RANBP17: variants seen among roughly 807,000 people sequenced by gnomAD.
The protein encoded by RANBP17 is ran-binding protein 17.
RANBP17 carries 158 observed loss-of-function variants against 141.2 expected under a neutral mutation model. The ratio of observed to expected loss-of-function variants is 1.12; its 90% CI spans 0.98 to 1.28. RANBP17 has a LOEUF of 1.28. Among genes scored for constraint, RANBP17 ranks in the 50% most tolerant of loss-of-function variants. RANBP17 has a pLI of 0.00. For synonymous variants in RANBP17, 430 were observed against 450.0 expected, an observed-to-expected ratio of 0.96 and a Z score of 0.56; for missense variants, 1,438 against 1,290.7, an observed-to-expected ratio of 1.11 and a Z score of -1.75.
intron 14 of RANBP17, among the ~76,000 whole-genome samples, chr5:171,003,097 C>G: frequency 6.6e-6 from 1 of 152,218 alleles, no homozygotes; most frequent in East Asian, 1.9e-4. Context: ...CAATGGCGGC[C>G]GCTGCACGGA....
intron 3 of RANBP17, among the ~76,000 whole-genome samples, chr5:170,889,498 A>G (rs1769426995): frequency 6.6e-6 from 1 of 152,166 alleles, no homozygotes; most frequent in African/African-American, 2.4e-5. Context: ...AACCTGATTC[A>G]GAGTCCCAGT....
At chr5:171,021,061 G>A (rs1350383226) in intron 14 of RANBP17, among the ~76,000 whole-genome samples, 2 of 152,118 alleles carry the variant, frequency 1.3e-5, no homozygotes, top group East Asian at 3.9e-4. Context: ...TGAAATTCTG[G>A]GTTGAAAATT....
intron 21 of RANBP17, among the ~76,000 whole-genome samples, chr5:171,216,689 A>G (rs1052066376): frequency 6.6e-6 from 1 of 152,064 alleles, no homozygotes; most frequent in Non-Finnish European, 1.5e-5. Flanking sequence ...ATGGGAGTTC[A>G]CTCATGATTT....
intron 1 of RANBP17, among the ~76,000 whole-genome samples, chr5:170,862,681 G>C (rs1766909842): frequency 6.6e-6 from 1 of 152,136 alleles, no homozygotes; most frequent in South Asian, 2.1e-4. Context: ...CGCGGGCGCG[G>C]ACGCGAGGAT....
chr5:171,143,007 TC>T (rs1757804805), intron 14 of RANBP17, among the ~76,000 whole-genome samples: 1 of 152,248 alleles, frequency 6.6e-6, no homozygotes, highest in South Asian at 2.1e-4. Flanking sequence ...ATTTTTAAAA[TC>T]TATTTTATCC....
intron 22 of RANBP17, among the ~76,000 whole-genome samples, chr5:171,228,021 T>A (rs984869283): frequency 3.3e-5 from 5 of 152,222 alleles, no homozygotes; most frequent in African/African-American, 1.2e-4. Flanking sequence ...ACAAGGAGAT[T>A]AATGTTGTTT....
chr5:171,169,182 T>TA (rs1475168958), intron 14 of RANBP17, among the ~76,000 whole-genome samples: 3 of 152,088 alleles, frequency 2.0e-5, no homozygotes, highest in African/African-American at 7.2e-5. Context: ...TGTTCAGATA[T>TA]AAAAAACAAA....
chr5:170,956,470 A>G (rs1168987925), intron 13 of RANBP17, among the ~76,000 whole-genome samples: 2 of 151,984 alleles, frequency 1.3e-5, no homozygotes, highest in East Asian at 1.9e-4. Flanking sequence ...ATTATTTTCT[A>G]TATCAAATTG....
At chr5:171,106,348 G>T (rs1241078754) in intron 14 of RANBP17, among the ~76,000 whole-genome samples, 1 of 152,262 alleles carries the variant, frequency 6.6e-6, no homozygotes, top group South Asian at 2.1e-4. Flanking sequence ...ATGGAAGGTA[G>T]GAGGGGAAGG....
intron 12 of RANBP17, among the ~76,000 whole-genome samples, chr5:170,939,498 C>T (rs1461838497): frequency 1.3e-5 from 2 of 151,986 alleles, no homozygotes; most frequent in South Asian, 2.1e-4. Flanking sequence ...CATTCTCCTG[C>T]CTCAGCCTCC....
intron 27 of RANBP17, among the ~76,000 whole-genome samples, chr5:171,297,846 CTTTTTTTTT>C (rs71310040): frequency 3.0e-5 from 2 of 67,472 alleles, no homozygotes; most frequent in South Asian, 5.4e-4. Context: ...CCAATAAATT[CTTTTTTTTT>C]TTTTTTTTTT....
intron 16 of RANBP17, among the ~76,000 whole-genome samples, chr5:171,176,503 G>A (rs1234705167): frequency 1.3e-5 from 2 of 152,060 alleles, no homozygotes; most frequent in East Asian, 3.9e-4. Context: ...ATAAAACACA[G>A]ACCCTGCCCT....
intron 14 of RANBP17, among the ~76,000 whole-genome samples, chr5:171,154,173 A>G (rs1758693845): frequency 6.7e-6 from 1 of 150,014 alleles, no homozygotes; most frequent in African/African-American, 2.5e-5. Context: ...TTCTAAGAAG[A>G]TAATTAGTAA....
chr5:171,271,211 C>T lies in RANBP17; in HGVS notation c.2943+5364C>T, dbSNP rs145324704. ...GGACTTAAGCTGAAAGAACATTCAC[C>T]CTTTTCCTCAATCAGTCAGTCAGTC... On this transcript the variant is annotated intron_variant, in intron 25 of 27. Coordinates refer to ENST00000523189, the MANE Select transcript of RANBP17 (RefSeq NM_022897.5). 18 of 183,788 alleles carry T rather than the reference C, an allele frequency of 9.8e-5. No individual in the cohort carries two copies. In the Admixed American group the frequency reaches 1.0e-3, roughly 10 times the overall value. The allele number at this position is 183,788 out of a possible 1,614,324, so 11.4% of individuals were successfully genotyped here. A position where few individuals can be genotyped will look rare whatever the true frequency, so the allele number is the denominator to read the frequency against.
chr5:171,087,405 AGGTGT>A (rs1448136132), intron 14 of RANBP17, among the ~76,000 whole-genome samples: 2 of 152,114 alleles, frequency 1.3e-5, no homozygotes, highest in Non-Finnish European at 2.9e-5. Flanking sequence ...ATTTTGGAAT[AGGTGT>A]GGTGTGGTGC....
chr5:171,264,973 C>T (rs369717027), intron 24 of RANBP17, among the ~76,000 whole-genome samples: 37 of 152,314 alleles, frequency 2.4e-4, no homozygotes, highest in African/African-American at 8.7e-4. Context: ...CCTCAAAATC[C>T]TCAATTTGTC....
At chr5:171,083,820 T>A (rs978049675) in intron 14 of RANBP17, among the ~76,000 whole-genome samples, 22 of 152,222 alleles carry the variant, frequency 1.4e-4, no homozygotes, top group Non-Finnish European at 3.1e-4. Context: ...GGAGTTTCCT[T>A]ACATAAGCTC....
intron 12 of RANBP17, among the ~76,000 whole-genome samples, chr5:170,946,279 A>C (rs991914071): frequency 6.6e-6 from 1 of 152,126 alleles, no homozygotes; most frequent in African/African-American, 2.4e-5. Flanking sequence ...CATAACAGGA[A>C]GGTAATTATT....
intron 14 of RANBP17, among the ~76,000 whole-genome samples, chr5:171,144,545 T>C (rs916137099): frequency 1.3e-5 from 2 of 152,206 alleles, no homozygotes; most frequent in African/African-American, 4.8e-5. Flanking sequence ...TTCAGCCATC[T>C]TGCCTCTTTC....
Sources: allele counts gnomAD v4.1 joint callset (sites outside exome capture counted in the v4.1 genomes callset), GRCh38; gene constraint gnomAD v4.1.1; transcripts MANE v1.5; gene names NCBI Gene and HGNC (gene_info 2026-07-23, HGNC 2026-07-21).